Variants in TMEM182 observed in about 807,000 individuals in gnomAD.
TMEM182 encodes the protein transmembrane protein 182.
In TMEM182, 20 loss-of-function variants were observed where a neutral mutation model predicts 26.8. The ratio of observed to expected loss-of-function variants is 0.75; its 90% CI spans 0.53 to 1.09. TMEM182 has a LOEUF of 1.09. Ranked by LOEUF, TMEM182 falls within the 50% of genes least tolerant of loss-of-function variation. TMEM182 has a pLI of 0.00. For synonymous variants in TMEM182, 109 were observed against 102.2 expected (o/e 1.07, Z -0.40); for missense variants, 277 against 275.5 (o/e 1.01, Z -0.04).
chr2:102,813,364 G>T (rs1016791132), intron 4 of TMEM182, among the ~76,000 whole-genome samples: 1 of 152,202 alleles, frequency 6.6e-6, no homozygotes, highest in African/African-American at 2.4e-5. Flanking sequence ...CTGCCAATAT[G>T]CCTCAGTCTC....
intron 3 of TMEM182, among the ~76,000 whole-genome samples, chr2:102,832,830 T>A (rs73007206): frequency 0.015 from 2,223 of 152,282 alleles, 57 homozygotes; most frequent in African/African-American, 0.05. Flanking sequence ...TTATTATAAT[T>A]TATACAATGT....
intron 1 of TMEM182, among the ~76,000 whole-genome samples, chr2:102,748,072 A>G (rs993075927): frequency 9.2e-5 from 14 of 152,178 alleles, no homozygotes; most frequent in African/African-American, 3.4e-4. Context: ...TAGCTCTCGT[A>G]TCTTCAAGGT....
chr2:102,776,162 A>G (rs187199917), intron 3 of TMEM182, among the ~76,000 whole-genome samples: 1 of 152,292 alleles, frequency 6.6e-6, no homozygotes, highest in African/African-American at 2.4e-5. Context: ...GTTTGTTACA[A>G]TTGATGAGCC....
chr2:102,814,727 C>T (rs764207564), intron 4 of TMEM182, 21 bp from the exon 5 acceptor site: 2 of 1,602,288 alleles, frequency 1.2e-6, no homozygotes. Flanking sequence ...GGCTAACAGT[C>T]TTCTGTTTCA....
intron 1 of TMEM182, among the ~76,000 whole-genome samples, chr2:102,750,484 A>G (rs1429766909): frequency 2.0e-5 from 3 of 152,154 alleles, no homozygotes; most frequent in African/African-American, 7.2e-5. Flanking sequence ...TCCCAGAATC[A>G]TCTTTTATTT....
intron 3 of TMEM182, among the ~76,000 whole-genome samples, chr2:102,782,545 A>G (rs946998944): frequency 1.3e-5 from 2 of 152,122 alleles, no homozygotes; most frequent in Admixed American, 6.5e-5. Flanking sequence ...CTTGAATCTT[A>G]ATACACTACC....
downstream of TMEM182, among the ~76,000 whole-genome samples, chr2:102,820,745 ATGAAGT>A (rs1411082341): frequency 6.6e-6 from 1 of 152,244 alleles, no homozygotes; most frequent in Non-Finnish European, 1.5e-5. Flanking sequence ...GAGCTTTGTG[ATGAAGT>A]TGGAGAAGCA....
chr2:102,840,849 A>G (rs998303479), intron 3 of TMEM182, among the ~76,000 whole-genome samples: 2 of 152,198 alleles, frequency 1.3e-5, no homozygotes, highest in African/African-American at 4.8e-5. Context: ...TTCACATTAT[A>G]TTTAAGTGGT....
At position 102,815,948 on chromosome 2, in the gene TMEM182, A is replaced by G; in HGVS notation, c.*980A>G. 1.0e-6 allele frequency: 1 copy of G among 983,722 alleles called. No individual in the cohort carries two copies. Among genetic ancestry groups the G allele is most frequent in the Non-Finnish European group, 1.2e-6 (1 of 828,462 alleles). 60.9% of individuals were successfully genotyped at this position (983,722 alleles called of 1,614,324 possible). ...CCATAAAATATTAACTTTCCCCAAGATGTTATGGGTTCCAGTTCTTCTGAT... is the reference window on the plus strand; with the variant it reads ...CCATAAAATATTAACTTTCCCCAAGGTGTTATGGGTTCCAGTTCTTCTGAT... On this transcript the variant is annotated 3_prime_UTR_variant, in exon 5 of 5. Coordinates refer to ENST00000412401, the MANE Select transcript of TMEM182 (RefSeq NM_144632.5).
intron 3 of TMEM182, among the ~76,000 whole-genome samples, chr2:102,787,784 A>G (rs1021623639): frequency 6.6e-6 from 1 of 152,226 alleles, no homozygotes; most frequent in African/African-American, 2.4e-5. Context: ...GATTCTCCAG[A>G]TAGCCCTGAA....
chr2:102,840,466 C>T (rs1471967820), intron 3 of TMEM182, among the ~76,000 whole-genome samples: 1 of 152,146 alleles, frequency 6.6e-6, no homozygotes, highest in East Asian at 1.9e-4. Flanking sequence ...CGAAGGGCCC[C>T]TCCACCTAAA....
At chr2:102,811,245 G>C (rs1682547735) in intron 4 of TMEM182, among the ~76,000 whole-genome samples, 1 of 151,988 alleles carries the variant, frequency 6.6e-6, no homozygotes, top group South Asian at 2.1e-4. Flanking sequence ...TTTAATGATT[G>C]AGTTTAGGCT....
intron 4 of TMEM182, among the ~76,000 whole-genome samples, chr2:102,811,082 A>AAT (rs1682541544): frequency 1.3e-5 from 2 of 150,778 alleles, no homozygotes; most frequent in Non-Finnish European, 3.0e-5. Context: ...AAAAAAAAAA[A>AAT]TTCTAAATCA....
chr2:102,800,030 A>T (rs1379371528), intron 4 of TMEM182, among the ~76,000 whole-genome samples: 1 of 152,050 alleles, frequency 6.6e-6, no homozygotes, highest in East Asian at 1.9e-4. Context: ...AAAAAAAAAA[A>T]TCTCACTCTG....
Position 102,766,417 on chromosome 2 carries a change from G to A in TMEM182, c.331+1990G>A, listed in dbSNP as rs1467666763. 6.6e-5 allele frequency among the ~76,000 whole-genome samples: 10 copies of A among 152,132 alleles called. No homozygotes were observed. In the South Asian group the frequency reaches 1.9e-3, roughly 28 times the overall value. ...CAAATTCCTCATTGGCACACGTATT[G>A]GAACTCATTTACTTTCAGAAACTTT... On this transcript the variant is annotated intron_variant, in intron 3 of 4. Transcript: ENST00000412401.
chr2:102,813,794 CAA>C (rs1682639023), intron 4 of TMEM182, among the ~76,000 whole-genome samples: 1 of 152,118 alleles, frequency 6.6e-6, no homozygotes, highest in Non-Finnish European at 1.5e-5. Context: ...CATCTAATTC[CAA>C]GAGTGTTTGG....
chr2:102,797,793 T>G, intron 3 of TMEM182, 70 bp from the exon 4 acceptor site: 3 of 1,530,094 alleles, frequency 2.0e-6, no homozygotes, highest in Non-Finnish European at 2.6e-6. Flanking sequence ...CAACTGACTG[T>G]GACAATCTGC....
chr2:102,810,047 C>T (rs554003910), intron 4 of TMEM182, among the ~76,000 whole-genome samples: 2 of 152,188 alleles, frequency 1.3e-5, no homozygotes, highest in South Asian at 4.2e-4. Context: ...GTTGTGAAAG[C>T]CCATTTAAAG....
At chr2:102,743,254 G>C (rs1679593055) in intron 1 of TMEM182, among the ~76,000 whole-genome samples, 1 of 152,036 alleles carries the variant, frequency 6.6e-6, no homozygotes. Flanking sequence ...GCAAACTCTA[G>C]GGCAACCACA....
Sources: allele counts gnomAD v4.1 joint callset (sites outside exome capture counted in the v4.1 genomes callset), GRCh38; gene constraint gnomAD v4.1.1; transcripts MANE v1.5; gene names NCBI Gene and HGNC (gene_info 2026-07-23, HGNC 2026-07-21).